The following NEAT1 variants were observed in gnomAD, a reference collection of about 807,000 sequenced individuals.
NEAT1 encodes nuclear paraspeckle assembly transcript 1, also known as MENepsilon/beta.
At chr11:65,441,355 G>A (rs1856712668) in exon 1 of NEAT1, 1 of 152,022 alleles carries the variant, frequency 6.6e-6, no homozygotes, top group Admixed American at 6.6e-5. Context: ...GTAGATGTGG[G>A]GTCTTTCTGT....
exon 1 of NEAT1, chr11:65,443,850 A>G (rs543857878): frequency 6.5e-6 from 1 of 153,084 alleles, no homozygotes; most frequent in East Asian, 1.9e-4. Context: ...GGTTCCTGGA[A>G]GCCAGTGGCA....
At chr11:65,423,193 C>A (rs528839824) in exon 1 of NEAT1, 1 of 153,422 alleles carries the variant, frequency 6.5e-6, no homozygotes, top group African/African-American at 2.4e-5. Flanking sequence ...GCCGCAGCAG[C>A]CCTGGAAATG....
chr11:65,432,327 GGC>G (rs1388878736), exon 1 of NEAT1: 2 of 152,116 alleles, frequency 1.3e-5, no homozygotes, highest in Non-Finnish European at 2.9e-5. Flanking sequence ...TCATTGGGAA[GGC>G]CACATTTGCC....
Position 65,443,872 on chromosome 11 carries a change from G to A in NEAT1, n.21075G>A, listed in dbSNP as rs528730531. On this transcript the variant is annotated non_coding_transcript_exon_variant, in exon 1 of 1. Coordinates refer to ENST00000501122, the Ensembl canonical transcript of NEAT1. Reference sequence around the variant, plus strand: ...GGAAGCCAGTGGCACGTTTCCCCGCGTAGCTCGCTTATCCCACAGCACACA... The same window carrying A: ...GGAAGCCAGTGGCACGTTTCCCCGCATAGCTCGCTTATCCCACAGCACACA... 31 of 153,144 alleles carry A rather than the reference G, an allele frequency of 2.0e-4. No individual in the cohort carries two copies. The South Asian group carries it at 4.4e-3, about 22-fold the overall frequency. 9.5% of individuals were successfully genotyped at this position (153,144 alleles called of 1,614,324 possible).
chr11:65,433,322 A>G (rs1374905828), exon 1 of NEAT1: 1 of 152,212 alleles, frequency 6.6e-6, no homozygotes. Context: ...TGTAATGATC[A>G]TCACTTTTCA....
At chr11:65,429,150 GC>G (rs1244937801) in exon 1 of NEAT1, 5 of 151,868 alleles carry the variant, frequency 3.3e-5, no homozygotes, top group Non-Finnish European at 7.4e-5. Flanking sequence ...AATAATACTT[GC>G]GATGACTTTC....
chr11:65,444,644 T>C, exon 1 of NEAT1: 1 of 403,416 alleles, frequency 2.5e-6, no homozygotes. Flanking sequence ...GCAGTGGTGC[T>C]GTGGACCGTG....
exon 1 of NEAT1, chr11:65,425,171 TC>T (rs1856548601): frequency 6.6e-6 from 1 of 152,124 alleles, no homozygotes; most frequent in South Asian, 2.1e-4. Context: ...TTAGAAACTT[TC>T]CAAAGTGCTT....
At chr11:65,437,799 C>T (rs1369943857) in exon 1 of NEAT1, 1 of 152,134 alleles carries the variant, frequency 6.6e-6, no homozygotes, top group African/African-American at 2.4e-5. Context: ...TACCCCATCA[C>T]AGAGTACTTT....
chr11:65,423,017 A>G (rs1856513786), exon 1 of NEAT1: 1 of 152,206 alleles, frequency 6.6e-6, no homozygotes, highest in Admixed American at 6.6e-5. Flanking sequence ...CCCCAGGCAG[A>G]ACAGCCACGC....
exon 1 of NEAT1, chr11:65,424,098 T>G (rs1479378119): frequency 6.6e-6 from 1 of 152,274 alleles, no homozygotes. Context: ...TTCCAGAGGC[T>G]TAGGAGGAGG....
At chr11:65,437,759 C>T (rs1157978389) in exon 1 of NEAT1, 1 of 152,058 alleles carries the variant, frequency 6.6e-6, no homozygotes, top group Admixed American at 6.6e-5. Flanking sequence ...CCTCACTGCC[C>T]CCTAGCCGAC....
chr11:65,431,360 G>A (rs1301860667), exon 1 of NEAT1: 4 of 152,096 alleles, frequency 2.6e-5, no homozygotes, highest in Non-Finnish European at 4.4e-5. Flanking sequence ...GTATTTACAA[G>A]TATAATGCTG....
chr11:65,428,903 C>G (rs1014134484), exon 1 of NEAT1: 2 of 151,966 alleles, frequency 1.3e-5, no homozygotes, highest in Admixed American at 6.5e-5. Flanking sequence ...AGTAATCTTA[C>G]CAGTAACAAT....
chr11:65,426,727 G>C (rs1452329392), exon 1 of NEAT1: 4 of 152,190 alleles, frequency 2.6e-5, no homozygotes, highest in Non-Finnish European at 4.4e-5. Context: ...GTGGGGATGG[G>C]ATCTGCTCTC....
exon 1 of NEAT1, chr11:65,438,836 A>G (rs11601132): frequency 1.3e-5 from 2 of 152,360 alleles, no homozygotes; most frequent in African/African-American, 4.8e-5. Flanking sequence ...TATTATGAAC[A>G]ATGGTGCTAT....
At chr11:65,439,450 A>T (rs565718000) in exon 1 of NEAT1, 1 of 152,136 alleles carries the variant, frequency 6.6e-6, no homozygotes, top group Non-Finnish European at 1.5e-5. Context: ...TGGGAGACTG[A>T]GGTGGGTGGA....
exon 1 of NEAT1, chr11:65,426,913 G>C (rs996431578): frequency 3.9e-5 from 6 of 152,166 alleles, no homozygotes; most frequent in Admixed American, 3.3e-4. Context: ...AACAGAAATG[G>C]ACACATAATA....
At chr11:65,431,542 C>T (rs139042056) in exon 1 of NEAT1, 11 of 152,236 alleles carry the variant, frequency 7.2e-5, no homozygotes, top group East Asian at 1.9e-4. Context: ...ACAAGGGTTC[C>T]GAGGTTCCCA....
Sources: gnomAD v4.1 joint callset for allele counts on GRCh38, gnomAD v4.1.1 for gene constraint, MANE v1.5 for transcripts, NCBI Gene and HGNC (gene_info 2026-07-23, HGNC 2026-07-21) for gene names.